CSMD1: variants seen among roughly 807,000 people sequenced by gnomAD.
CSMD1 encodes CUB and sushi domain-containing protein 1.
CSMD1 carries 213 observed loss-of-function variants against 417.5 expected under a neutral mutation model. The observed-to-expected ratio is 0.51, with a 90% confidence interval of 0.46 to 0.57. The LOEUF (loss-of-function observed/expected upper bound fraction) is 0.57. Ranked by LOEUF, CSMD1 falls within the 20% of genes least tolerant of loss-of-function variation. The probability of loss-of-function intolerance (pLI) is 0.00; values close to 1 mark genes in which losing one functional copy is unlikely to be tolerated. For synonymous variants in CSMD1, 2,862 were observed against 1,736.8 expected, an observed-to-expected ratio of 1.65 and a Z score of -16.11; for missense variants, 6,923 against 4,529.7, an observed-to-expected ratio of 1.53 and a Z score of -15.17.
Position 3,055,817 on chromosome 8 carries a change from T to G in CSMD1, c.7475-3170A>C, listed in dbSNP as rs752253952. Among the ~76,000 whole-genome samples the G allele has an allele frequency of 3.3e-4, 50 of 152,348 alleles. 1 individual carries two copies. Among genetic ancestry groups the G allele is most frequent in the African/African-American group, 1.2e-3 (49 of 41,588 alleles). ...AGCACAGGCCTCAAACTCAGACTTC[T>G]GAGTCAGTTCTTGCTGTACCTCTCA... On this transcript the variant is annotated intron_variant, in intron 49 of 69. Transcript: ENST00000635120.
At chr8:2,994,608 A>C (rs1184934985) in intron 54 of CSMD1, among the ~76,000 whole-genome samples, 1 of 152,222 alleles carries the variant, frequency 6.6e-6, no homozygotes, top group Non-Finnish European at 1.5e-5. Context: ...TATGTGGTAA[A>C]TGTAGAAATT....
intron 3 of CSMD1, among the ~76,000 whole-genome samples, chr8:4,042,171 T>C (rs1233715030): frequency 6.6e-6 from 1 of 152,052 alleles, no homozygotes; most frequent in Admixed American, 6.6e-5. Flanking sequence ...AACTCATAAA[T>C]ACAAAAAGTT....
chr8:3,349,532 G>A (rs1808249849), intron 21 of CSMD1, among the ~76,000 whole-genome samples: 2 of 152,062 alleles, frequency 1.3e-5, no homozygotes, highest in Middle Eastern at 3.4e-3. Flanking sequence ...TTTGGATGTG[G>A]CTCTCGGGGT....
intron 3 of CSMD1, among the ~76,000 whole-genome samples, chr8:4,149,745 G>C (rs4875289): frequency 0.32 from 48,259 of 152,110 alleles, 9,150 homozygotes; most frequent in Non-Finnish European, 0.41. Flanking sequence ...TCAACTCCAA[G>C]CATCCAGCCA....
At chr8:4,465,618 T>A (rs1486656138) in intron 2 of CSMD1, among the ~76,000 whole-genome samples, 1 of 152,048 alleles carries the variant, frequency 6.6e-6, no homozygotes, top group Non-Finnish European at 1.5e-5. Context: ...GATTATTAAG[T>A]TAAGGCCTCA....
intron 23 of CSMD1, among the ~76,000 whole-genome samples, chr8:3,339,627 C>A (rs889872184): frequency 6.6e-6 from 1 of 152,224 alleles, no homozygotes; most frequent in Non-Finnish European, 1.5e-5. Flanking sequence ...GAGGGCTACT[C>A]TGATATCCAA....
At chr8:3,907,895 A>G (rs1808216892) in intron 5 of CSMD1, among the ~76,000 whole-genome samples, 1 of 152,192 alleles carries the variant, frequency 6.6e-6, no homozygotes, top group Non-Finnish European at 1.5e-5. Context: ...AGAATATTTC[A>G]GGGATTCTTG....
At chr8:4,464,142 C>T (rs183369886) in intron 2 of CSMD1, among the ~76,000 whole-genome samples, 18 of 146,698 alleles carry the variant, frequency 1.2e-4, no homozygotes, top group African/African-American at 4.7e-4. Context: ...AGGCTTATCC[C>T]TCCAGCTGGA....
Position 4,994,540 on chromosome 8 carries a change from C to A in CSMD1, c.-124G>T. On this transcript the variant is annotated 5_prime_UTR_variant, in exon 1 of 70. Transcript: ENST00000635120. Reference sequence around the variant, plus strand: ...GGAGAGAGAGCCCGGTCCCAAGACCCGCCGCGCATCCGACGCCTCCTGAAG... The same window carrying A: ...GGAGAGAGAGCCCGGTCCCAAGACCAGCCGCGCATCCGACGCCTCCTGAAG... The A allele has an allele frequency of 1.2e-6, 1 of 845,276 alleles. No homozygotes were observed. The highest frequency in any genetic ancestry group is 1.6e-5 in the South Asian group (1 of 62,634). The allele number at this position is 845,276 out of a possible 1,614,324, so 52.4% of individuals were successfully genotyped here.
intron 1 of CSMD1, among the ~76,000 whole-genome samples, chr8:4,988,662 G>T (rs892666802): frequency 1.3e-5 from 2 of 152,152 alleles, no homozygotes; most frequent in Admixed American, 6.5e-5. Context: ...ATAGAACAAA[G>T]ATATTTGAAG....
chr8:4,123,745 T>G (rs780757086), intron 3 of CSMD1, among the ~76,000 whole-genome samples: 1 of 152,212 alleles, frequency 6.6e-6, no homozygotes, highest in Non-Finnish European at 1.5e-5. Flanking sequence ...GAATTCAATG[T>G]GTTTATGCTG....
In CSMD1 at chr8:3,151,497, C is replaced by T. The variant is rs376109016; in HGVS notation, c.5931G>A (p.Thr1977=). The T allele has an allele frequency of 1.4e-4, 221 of 1,612,242 alleles. No individual in the cohort carries two copies. The highest frequency in any genetic ancestry group is 1.7e-4 in the Non-Finnish European group (203 of 1,179,058). ...GGATCACACCACCCAAGGTGCTCAG[C>T]GTCCCTCCACAGGTTGCTGTTAAGT... The part of the protein sequence containing the change: ...SPLCIATCGG[T]LSTLGGVILS... Residue 1977 remains threonine, a synonymous_variant, in exon 40 of 70, where the codon ACG becomes ACA. Coordinates refer to ENST00000635120, the MANE Select transcript of CSMD1 (RefSeq NM_033225.6).
chr8:4,408,399 A>G (rs1034816444), intron 3 of CSMD1, among the ~76,000 whole-genome samples: 1 of 152,234 alleles, frequency 6.6e-6, no homozygotes, highest in African/African-American at 2.4e-5. Context: ...TTACCCTATG[A>G]AAGGATTCTC....
At chr8:3,801,935 G>C (rs1001527148) in intron 5 of CSMD1, among the ~76,000 whole-genome samples, 4 of 151,980 alleles carry the variant, frequency 2.6e-5, no homozygotes, top group Admixed American at 6.6e-5. Context: ...GGGGAGTCAG[G>C]GTAGAACAGA....
At chr8:3,024,211 ATG>A (rs1372090933) in intron 51 of CSMD1, among the ~76,000 whole-genome samples, 2 of 150,664 alleles carry the variant, frequency 1.3e-5, no homozygotes, top group African/African-American at 2.4e-5. Flanking sequence ...TGAAATAAAA[ATG>A]TGTTACAGAA....
chr8:3,998,459 C>A (rs1438952680), intron 4 of CSMD1, among the ~76,000 whole-genome samples: 1 of 152,182 alleles, frequency 6.6e-6, no homozygotes, highest in African/African-American at 2.4e-5. Flanking sequence ...ACTATGTAAG[C>A]AACATTTTGA....
At chr8:4,328,634 A>G (rs1799692577) in intron 3 of CSMD1, among the ~76,000 whole-genome samples, 1 of 148,304 alleles carries the variant, frequency 6.7e-6, no homozygotes, top group Non-Finnish European at 1.5e-5. Context: ...ATGCTTACTT[A>G]CCAAGAATAA....
intron 1 of CSMD1, among the ~76,000 whole-genome samples, chr8:4,644,096 G>A (rs1166007559): frequency 1.3e-5 from 2 of 152,202 alleles, no homozygotes; most frequent in Non-Finnish European, 2.9e-5. Context: ...ATTTCTCACT[G>A]TGGAGTCTTT....
At chr8:3,896,294 T>C (rs1227327569) in intron 5 of CSMD1, among the ~76,000 whole-genome samples, 3 of 152,156 alleles carry the variant, frequency 2.0e-5, no homozygotes, top group African/African-American at 7.2e-5. Flanking sequence ...GACATCGCCT[T>C]GGGAAAAATG....
Sources: allele counts gnomAD v4.1 joint callset (sites outside exome capture counted in the v4.1 genomes callset), GRCh38; gene constraint gnomAD v4.1.1; transcripts MANE v1.5; gene names NCBI Gene and HGNC (gene_info 2026-07-23, HGNC 2026-07-21).